Variants in CXXC1 observed in about 807,000 individuals in gnomAD.
CXXC1 encodes the protein CXXC finger protein 1, also known as CXXC-type zinc finger protein 1.
CXXC1 carries 21 observed loss-of-function variants against 83.6 expected under a neutral mutation model. The observed-to-expected ratio is 0.25, with a 90% CI of 0.18 to 0.36. The LOEUF (loss-of-function observed/expected upper bound fraction) is 0.36. Ranked by LOEUF, CXXC1 falls within the 10% of genes least tolerant of loss-of-function variation. The pLI is 1.00. For missense variants in CXXC1, 688 were observed against 919.5 expected (o/e 0.75, Z 3.26); for synonymous variants, 371 against 337.5 (o/e 1.10, Z -1.09).
At position 50,285,544 on chromosome 18, in the gene CXXC1, T is replaced by C; in HGVS notation, c.640-193A>G. ...CCTGAAAACACCTGGCCCCACTCTG[T>C]CTACCCAGGGTTGGTGGGGGTGTTC... On this transcript the variant is annotated intron_variant, in intron 5 of 14. Transcript: ENST00000285106. The surrounding 1 kb of genome is among the most constrained non-coding windows in gnomAD (Gnocchi z 4.4). 1.0e-6 allele frequency: 1 copy of C among 954,310 alleles called. No individual in the cohort carries two copies. 59.1% of individuals were successfully genotyped at this position (954,310 alleles called of 1,614,324 possible). A position where few individuals can be genotyped will look rare whatever the true frequency, so the allele number is the denominator to read the frequency against.
chr18:50,285,471 T>G lies in CXXC1; in HGVS notation c.640-120A>C. On this transcript the variant is annotated intron_variant, in intron 5 of 14. Coordinates refer to ENST00000285106, the MANE Select transcript of CXXC1 (RefSeq NM_014593.4). The surrounding 1 kb of genome is among the most constrained non-coding windows in gnomAD (Gnocchi z 4.4). ...GACACACCTCCCCGCTACCCCTCAT[T>G]GCCAGGAATGCTCAGCCCTGCCTGA... 1 of 1,243,318 alleles carries G rather than the reference T, an allele frequency of 8.0e-7. No homozygotes were observed. The highest frequency in any genetic ancestry group is 1.1e-6 in the Non-Finnish European group (1 of 904,420). The allele number at this position is 1,243,318 out of a possible 1,614,324, so 77.0% of individuals were successfully genotyped here.
In CXXC1 at chr18:50,285,152, G is replaced by C; in HGVS notation, c.762C>G (p.Ile254Met). 6.2e-7 allele frequency: 1 copy of C among 1,614,240 alleles called. No individual in the cohort carries two copies. Among genetic ancestry groups the C allele is most frequent in the South Asian group, 1.1e-5 (1 of 91,084 alleles). Residue 254 changes from isoleucine (I) to methionine (M), a missense_variant, in exon 7 of 15, where the codon ATC becomes ATG. Physicochemically the swap from Ile to Met is conservative, Grantham distance 10. Transcript: ENST00000285106. This position sits in a 1 kb window ranked among gnomAD's most constrained non-coding sequence, Gnocchi z 4.4. ...ACGCCACTGCCCCCTCATCTTCACG[G>C]ATGCGCCCTAACTTCTGTGATGGCT... ...QPQPSQKLGR[I>M]REDEGAVASS...
Position 50,282,597 on chromosome 18 carries a change from C to A in CXXC1, c.1967G>T (p.Arg656Leu), listed in dbSNP as rs986268178. ...AAGGGGTCCGGGCCAGGAGGCTCAG[C>A]GGTCGGCACTGGAGCGCAGGTCGGT... The part of the protein sequence containing the change: ...LTTDLRSSAD[R>L] The change falls in exon 15 of 15, where the codon CGC becomes CTC. Residue 656 changes from arginine to leucine, a missense_variant. By Grantham distance (102) the Arg-to-Leu change is moderately radical (BLOSUM62 -2). Coordinates refer to ENST00000285106, the MANE Select transcript of CXXC1 (RefSeq NM_014593.4). The surrounding 1 kb of genome is among the most constrained non-coding windows in gnomAD (Gnocchi z 5.8). 1 of 1,608,462 alleles carries A rather than the reference C, an allele frequency of 6.2e-7. No homozygotes were observed. The highest frequency in any genetic ancestry group is 1.7e-5 in the Admixed American group (1 of 60,018).
rs1371735840 is a variant in CXXC1, at chr18:50,285,691, A to G, written c.639+58T>C. On this transcript the variant is annotated intron_variant, in intron 5 of 14. Coordinates refer to ENST00000285106, the MANE Select transcript of CXXC1 (RefSeq NM_014593.4). The surrounding 1 kb of genome is among the most constrained non-coding windows in gnomAD (Gnocchi z 4.4). Reference sequence around the variant, plus strand: ...TATCCATGCCTAGACTTAACTAACCATGCATGGACCCACCAGCTCTCCCAC... The same window carrying G: ...TATCCATGCCTAGACTTAACTAACCGTGCATGGACCCACCAGCTCTCCCAC... 2 of 1,581,376 alleles carry G rather than the reference A, an allele frequency of 1.3e-6. No homozygotes were observed. Among genetic ancestry groups the G allele is most frequent in the East Asian group, 4.5e-5 (2 of 44,732 alleles).
rs1438102638 is a variant in CXXC1, at chr18:50,282,602, G to C, written c.1962C>G (p.Ala654=). 7.5e-6 allele frequency: 12 copies of C among 1,609,362 alleles called. No individual in the cohort carries two copies. The highest frequency in any genetic ancestry group is 1.1e-5 in the South Asian group (1 of 91,080). Reference sequence around the variant, plus strand: ...GTCCGGGCCAGGAGGCTCAGCGGTCGGCACTGGAGCGCAGGTCGGTAGTGA... The same window carrying C: ...GTCCGGGCCAGGAGGCTCAGCGGTCCGCACTGGAGCGCAGGTCGGTAGTGA... ...DPLTTDLRSS[A]DR is the part of the protein sequence containing the mutation. Residue 654 remains alanine (A), a synonymous_variant, in exon 15 of 15, where the codon GCC becomes GCG. Transcript: ENST00000285106. The surrounding 1 kb of genome is among the most constrained non-coding windows in gnomAD (Gnocchi z 5.8).
At chr18:50,283,847 G>A in intron 10 of CXXC1, 32 bp from the exon 11 acceptor site, 1 of 1,613,920 alleles carries the variant, frequency 6.2e-7, no homozygotes, top group Non-Finnish European at 8.5e-7. Context: ...ATAAGGCTGG[G>A]AAGGACAAAG....
chr18:50,286,287 G>A, intron 3 of CXXC1, 30 bp from the exon 4 acceptor site: 2 of 1,557,972 alleles, frequency 1.3e-6, no homozygotes, highest in Non-Finnish European at 8.7e-7. Context: ...GCCAAAGTGA[G>A]TGAGCACTGG....
chr18:50,287,007 C>T, intron 1 of CXXC1, 149 bp from the exon 2 acceptor site: 1 of 636,926 alleles, frequency 1.6e-6, no homozygotes, highest in Non-Finnish European at 2.8e-6. Flanking sequence ...ATCACAGTCC[C>T]CACTGACCCC....
Position 50,284,904 on chromosome 18 carries a change from C to T in CXXC1, c.913-65G>A, listed in dbSNP as rs897423978. On this transcript the variant is annotated intron_variant, in intron 7 of 14. Coordinates refer to ENST00000285106, the MANE Select transcript of CXXC1 (RefSeq NM_014593.4). ...TGACAACCCCACCACCTACTCATGT[C>T]CCATATCAGCCTTCCATACCCTCTG... 3 of 1,612,598 alleles carry T rather than the reference C, an allele frequency of 1.9e-6. No homozygotes were observed. In the African/African-American group the frequency reaches 4.0e-5, roughly 22 times the overall value.
Position 50,285,158 on chromosome 18 carries a change from C to G in CXXC1, c.756G>C (p.Gly252=), listed in dbSNP as rs770180783. 2.5e-6 allele frequency: 4 copies of G among 1,614,098 alleles called. No individual in the cohort carries two copies. The highest frequency in any genetic ancestry group is 3.4e-6 in the Non-Finnish European group (4 of 1,180,040). Reference sequence around the variant, plus strand: ...CTGCCCCCTCATCTTCACGGATGCGCCCTAACTTCTGTGATGGCTGTGGCT... The same window carrying G: ...CTGCCCCCTCATCTTCACGGATGCGGCCTAACTTCTGTGATGGCTGTGGCT... ...QQQPQPSQKL[G]RIREDEGAVA... The change falls in exon 7 of 15, where the codon GGG becomes GGC. Residue 252 remains glycine (G), a synonymous_variant. Transcript: ENST00000285106. The surrounding 1 kb of genome is among the most constrained non-coding windows in gnomAD (Gnocchi z 4.4).
rs770960090 is a variant in CXXC1 at position 50,284,128 on chromosome 18, ATGAG to A, written c.1206-31_1206-28del. ...TGCAGGGAAGGTAGCAAGCAACAGAATGAGTGAGGTGATCAGTAAGTGAGAATGG... is the reference window on the plus strand; with the variant it reads ...TGCAGGGAAGGTAGCAAGCAACAGAATGAGGTGATCAGTAAGTGAGAATGG... On this transcript the variant is annotated intron_variant, in intron 9 of 14. Coordinates refer to ENST00000285106, the MANE Select transcript of CXXC1 (RefSeq NM_014593.4). 3.8e-6 allele frequency: 6 copies of A among 1,591,194 alleles called. No individual in the cohort carries two copies. The African/African-American group carries it at 8.0e-5, about 21-fold the overall frequency.
In CXXC1 at chr18:50,287,671, G is replaced by T. The variant is rs1047996802; in HGVS notation, c.-82C>A. The T allele has an allele frequency of 1.3e-6, 2 of 1,568,002 alleles. No individual in the cohort carries two copies. The highest frequency in any genetic ancestry group is 1.7e-6 in the Non-Finnish European group (2 of 1,152,198). On this transcript the variant is annotated 5_prime_UTR_variant, in exon 1 of 15. Transcript: ENST00000285106. ...CAGACCACTCGGCGGCGTCCCAGGC[G>T]GTTGCAAAGGCGCCCACAACTACTT...
rs761232383 is a variant in CXXC1 at position 50,284,874 on chromosome 18, G to A, written c.913-35C>T. 4.3e-5 allele frequency: 69 copies of A among 1,613,242 alleles called. 1 individual carries two copies. Among genetic ancestry groups the A allele is most frequent in the South Asian group, 3.8e-4 (35 of 91,044 alleles). On this transcript the variant is annotated intron_variant, in intron 7 of 14. Coordinates refer to ENST00000285106, the MANE Select transcript of CXXC1 (RefSeq NM_014593.4). ...GGGCATGCACTGACCCACCTGCCCC[G>A]CTCGTGACAACCCCACCACCTACTC...
At chr18:50,284,663 C>T in intron 8 of CXXC1, 69 bp downstream of exon 8, 1 of 1,609,126 alleles carries the variant, frequency 6.2e-7, no homozygotes, top group East Asian at 2.2e-5. Flanking sequence ...CCCCATTCAG[C>T]CTCTGACCTC....
In CXXC1 at chr18:50,283,375, G is replaced by A. The variant is rs377127282; in HGVS notation, c.1575-14C>T. The A allele has an allele frequency of 1.2e-4, 187 of 1,610,748 alleles. No individual in the cohort carries two copies. Among genetic ancestry groups the A allele is most frequent in the Middle Eastern group, 1.6e-4 (1 of 6,076 alleles). On this transcript the variant is annotated splice_polypyrimidine_tract_variant and intron_variant, in intron 12 of 14. Coordinates refer to ENST00000285106, the MANE Select transcript of CXXC1 (RefSeq NM_014593.4). The stretch of plus-strand genomic sequence containing the variant: ...AGTCGTGTGGCCCTGGGGATTTGGA[G>A]TAGAGAGGGCAGTAGAGGGAGGGAA...
chr18:50,284,117 C>T lies in CXXC1; in HGVS notation c.1206-16G>A, dbSNP rs1300674385. 1.3e-6 allele frequency: 2 copies of T among 1,598,526 alleles called. No homozygotes were observed. Among genetic ancestry groups the T allele is most frequent in the South Asian group, 2.2e-5 (2 of 91,022 alleles). ...GTAGATGCGGCTGCAGGGAAGGTAGCAAGCAACAGAATGAGTGAGGTGATC... is the reference window on the plus strand; with the variant it reads ...GTAGATGCGGCTGCAGGGAAGGTAGTAAGCAACAGAATGAGTGAGGTGATC... On this transcript the variant is annotated splice_polypyrimidine_tract_variant and intron_variant, in intron 9 of 14. Coordinates refer to ENST00000285106, the MANE Select transcript of CXXC1 (RefSeq NM_014593.4).
In CXXC1 at chr18:50,282,778, T is replaced by A; in HGVS notation, c.1825-39A>T. On this transcript the variant is annotated intron_variant, in intron 14 of 14. Transcript: ENST00000285106. The surrounding 1 kb of genome is among the most constrained non-coding windows in gnomAD (Gnocchi z 5.8). ...GGCAGGAGTCCTAAGCAGGAACACC[T>A]GCAGCCCCGCCTGCCCCGGCCACGT... 2 of 1,609,844 alleles carry A rather than the reference T, an allele frequency of 1.2e-6. No individual in the cohort carries two copies. Among genetic ancestry groups the A allele is most frequent in the East Asian group, 4.5e-5 (2 of 44,808 alleles).
In CXXC1 at chr18:50,283,759, C is replaced by T; in HGVS notation, c.1470G>A (p.Gly490=). 12 of 1,614,214 alleles carry T rather than the reference C, an allele frequency of 7.4e-6. No individual in the cohort carries two copies. Among genetic ancestry groups the T allele is most frequent in the African/African-American group, 1.3e-5 (1 of 75,046 alleles). ...TDLQIFCVSC[G]HPINPRVALR... ...AGGCAACACGTGGGTTGATGGGGTG[C>T]CCACAGGAAACACAGAAGATCTGCA... Residue 490 remains glycine, a synonymous_variant, in exon 11 of 15, where the codon GGG becomes GGA. Coordinates refer to ENST00000285106, the MANE Select transcript of CXXC1 (RefSeq NM_014593.4).
rs764508393 is a variant in CXXC1, at chr18:50,283,875, T to G, written c.1413+19A>C. ...GGACAAAGTACAGGCCCTGCTCTGC[T>G]GCGCCCCTGCTTGCTCACCTCCTCA... On this transcript the variant is annotated intron_variant, in intron 10 of 14. Transcript: ENST00000285106. The G allele has an allele frequency of 1.2e-5, 20 of 1,613,898 alleles. No homozygotes were observed. Among genetic ancestry groups the G allele is most frequent in the Non-Finnish European group, 1.4e-5 (17 of 1,179,910 alleles).
Sources: allele counts gnomAD v4.1 joint callset, GRCh38; gene constraint gnomAD v4.1.1; non-coding constraint Gnocchi (gnomAD v3.1); transcripts MANE v1.5; gene names NCBI Gene and HGNC (gene_info 2026-07-23, HGNC 2026-07-21).